The following ZRANB3 variants were observed in gnomAD, a reference collection of about 807,000 sequenced individuals.
ZRANB3 encodes zinc finger RANBP2-type containing 3.
ZRANB3 carries 125 observed loss-of-function variants against 133.8 expected under a neutral mutation model. The ratio of observed to expected loss-of-function variants is 0.93; its 90% confidence interval spans 0.81 to 1.08. The LOEUF (loss-of-function observed/expected upper bound fraction) is 1.08, where lower values mean the gene tolerates loss of function less well. Among genes scored for constraint, ZRANB3 ranks in the 50% least tolerant of loss-of-function variants. The pLI is 0.00. For synonymous variants in ZRANB3, 387 were observed against 432.7 expected (o/e 0.89, Z 1.31); for missense variants, 1,229 against 1,275.5 (o/e 0.96, Z 0.56).
Position 135,501,407 on chromosome 2 carries a change from T to C in ZRANB3, c.161+2922A>G, listed in dbSNP as rs114308742. On this transcript the variant is annotated intron_variant, in intron 2 of 20. Coordinates refer to ENST00000264159, the MANE Select transcript of ZRANB3 (RefSeq NM_032143.4). ...TATAGCACTAACAATAGCACTATTA[T>C]TCTTTGTCTGAAAATTCTTTATCAT... 1.8e-3 allele frequency among the ~76,000 whole-genome samples: 278 copies of C among 152,298 alleles called. 2 individuals carry two copies. The highest frequency in any genetic ancestry group is 6.5e-3 in the African/African-American group (272 of 41,576).
At chr2:135,332,801 C>T (rs542706853) in intron 6 of ZRANB3, among the ~76,000 whole-genome samples, 24 of 152,334 alleles carry the variant, frequency 1.6e-4, no homozygotes, top group African/African-American at 5.8e-4. Context: ...CAACTGACTC[C>T]TCTAATTTCC....
chr2:135,390,877 T>G, intron 2 of ZRANB3, 57 bp from the exon 3 acceptor site: 1 of 1,477,408 alleles, frequency 6.8e-7, no homozygotes, highest in Non-Finnish European at 9.0e-7. Context: ...TCCTTTTTTT[T>G]TTGAGATGGA....
intron 3 of ZRANB3, among the ~76,000 whole-genome samples, chr2:135,363,407 T>C (rs528406159): frequency 6.6e-6 from 1 of 152,356 alleles, no homozygotes; most frequent in African/African-American, 2.4e-5. Context: ...CTCACATGCA[T>C]ATGTATTATT....
chr2:135,453,432 T>C (rs543808057), intron 2 of ZRANB3, among the ~76,000 whole-genome samples: 1 of 152,236 alleles, frequency 6.6e-6, no homozygotes, highest in Non-Finnish European at 1.5e-5. Flanking sequence ...TTCTACTGCA[T>C]CATCAGGCTG....
chr2:135,393,317 T>C (rs1687328312), intron 2 of ZRANB3, among the ~76,000 whole-genome samples: 1 of 152,130 alleles, frequency 6.6e-6, no homozygotes, highest in South Asian at 2.1e-4. Context: ...TGATTTTTTT[T>C]CCAGGAAGAT....
intron 13 of ZRANB3, among the ~76,000 whole-genome samples, chr2:135,230,157 G>A (rs1694931479): frequency 6.6e-6 from 1 of 152,124 alleles, no homozygotes; most frequent in South Asian, 2.1e-4. Flanking sequence ...TAGCTACAGA[G>A]GAGAGAAAAT....
rs144159200 is a variant in ZRANB3, at chr2:135,238,048, C to G, written c.1540-7121G>C. Among the ~76,000 whole-genome samples the G allele has an allele frequency of 2.6e-3, 400 of 152,262 alleles. 1 individual carries two copies. The highest frequency in any genetic ancestry group is 8.8e-3 in the African/African-American group (364 of 41,556). ...AAATGTTATTTCTTTTGTTTAAGAA[C>G]AGCTACATCATTGCATGTTTTTCAT... On this transcript the variant is annotated intron_variant, in intron 12 of 20. Transcript: ENST00000264159.
intron 5 of ZRANB3, among the ~76,000 whole-genome samples, chr2:135,346,868 C>A (rs1032760874): frequency 9.2e-5 from 14 of 152,148 alleles, no homozygotes; most frequent in Admixed American, 8.5e-4. Context: ...CATAGTTGTG[C>A]ATCAATCATG....
intron 12 of ZRANB3, among the ~76,000 whole-genome samples, chr2:135,252,930 A>G (rs972217218): frequency 1.3e-5 from 2 of 152,032 alleles, no homozygotes; most frequent in African/African-American, 4.8e-5. Context: ...CATTTTATTG[A>G]TTCTACTGCT....
chr2:135,491,088 T>C (rs527361147), intron 2 of ZRANB3, among the ~76,000 whole-genome samples: 2 of 152,246 alleles, frequency 1.3e-5, no homozygotes, highest in African/African-American at 2.4e-5. Context: ...GTAGGGTGAC[T>C]ACAGTTAGCG....
At chr2:135,304,711 T>C (rs929229108) in intron 8 of ZRANB3, among the ~76,000 whole-genome samples, 6 of 152,118 alleles carry the variant, frequency 3.9e-5, no homozygotes, top group Non-Finnish European at 5.9e-5. Flanking sequence ...TAAATTTTTC[T>C]AGTTGATACA....
In ZRANB3 at chr2:135,197,537, AGTGGGC is replaced by A. The variant is rs558849008; in HGVS notation, c.*2799_*2804del. On this transcript the variant is annotated 3_prime_UTR_variant, in exon 21 of 21. Transcript: ENST00000264159. ...ACGTTGGGCTGTAATTAACGCCAAG[AGTGGGC>A]GTCTTTAAAAATTCCATATGAATTA... 1.9e-4 allele frequency: 29 copies of A among 152,370 alleles called. No homozygotes were observed. The highest frequency in any genetic ancestry group is 7.8e-4 in the Admixed American group (12 of 15,308). The allele number at this position is 152,370 out of a possible 1,614,324, so 9.4% of individuals were successfully genotyped here.
intron 2 of ZRANB3, among the ~76,000 whole-genome samples, chr2:135,406,113 G>C (rs1688012064): frequency 6.6e-6 from 1 of 152,042 alleles, no homozygotes; most frequent in South Asian, 2.1e-4. Flanking sequence ...GAATCAAATA[G>C]ACGCAATAAA....
chr2:135,441,025 C>T (rs1354433818), intron 2 of ZRANB3, among the ~76,000 whole-genome samples: 1 of 151,614 alleles, frequency 6.6e-6, no homozygotes, highest in Non-Finnish European at 1.5e-5. Context: ...TAATGGAAGG[C>T]CCAGAAAAAG....
intron 1 of ZRANB3, among the ~76,000 whole-genome samples, chr2:135,505,621 T>TTATA (rs1693144206): frequency 6.6e-6 from 1 of 151,880 alleles, no homozygotes; most frequent in Non-Finnish European, 1.5e-5. Flanking sequence ...ACATGCAGAC[T>TTATA]TATATAACTA....
At chr2:135,393,796 C>A (rs1191877761) in intron 2 of ZRANB3, among the ~76,000 whole-genome samples, 1 of 152,130 alleles carries the variant, frequency 6.6e-6, no homozygotes, top group Non-Finnish European at 1.5e-5. Flanking sequence ...TAATCATCAA[C>A]TCTAGAAGCT....
chr2:135,498,141 C>G (rs1418391487), intron 2 of ZRANB3, among the ~76,000 whole-genome samples: 2 of 151,746 alleles, frequency 1.3e-5, no homozygotes, highest in African/African-American at 4.8e-5. Context: ...CAAAACAATT[C>G]CAAGTAGATT....
chr2:135,391,858 T>C (rs937123648), intron 2 of ZRANB3, among the ~76,000 whole-genome samples: 25 of 152,120 alleles, frequency 1.6e-4, no homozygotes, highest in Admixed American at 6.6e-4. Flanking sequence ...GGATTACAGG[T>C]GTGAGCCACC....
chr2:135,445,243 A>T (rs1343637275), intron 2 of ZRANB3, among the ~76,000 whole-genome samples: 1 of 152,116 alleles, frequency 6.6e-6, no homozygotes. Context: ...GAGGAGTTAG[A>T]CATCAGCCTG....
Sources: allele counts gnomAD v4.1 joint callset (sites outside exome capture counted in the v4.1 genomes callset), GRCh38; gene constraint gnomAD v4.1.1; transcripts MANE v1.5; gene names NCBI Gene and HGNC (gene_info 2026-07-23, HGNC 2026-07-21).